ANKS1B: variants seen among roughly 807,000 people sequenced by gnomAD.
The protein encoded by ANKS1B is ankyrin repeat and sterile alpha motif domain-containing protein 1B.
In ANKS1B, 36 loss-of-function variants were observed where a neutral mutation model predicts 148.3. The ratio of observed to expected loss-of-function variants is 0.24; its 90% confidence interval spans 0.19 to 0.32. The LOEUF (loss-of-function observed/expected upper bound fraction) is 0.32. Ranked by LOEUF, ANKS1B falls within the 10% of genes least tolerant of loss-of-function variation. The probability of loss-of-function intolerance (pLI) is 1.00; values close to 1 mark genes in which losing one functional copy is unlikely to be tolerated. For synonymous variants in ANKS1B, 542 were observed against 560.8 expected (o/e 0.97, Z 0.47); for missense variants, 1,157 against 1,542.6 (o/e 0.75, Z 4.19).
At chr12:99,804,073 T>C (rs2067297508) in intron 4 of ANKS1B, among the ~76,000 whole-genome samples, 1 of 152,192 alleles carries the variant, frequency 6.6e-6, no homozygotes, top group Admixed American at 6.5e-5. Flanking sequence ...TCCCTTCTGG[T>C]CATGTCATCT....
intron 9 of ANKS1B, among the ~76,000 whole-genome samples, chr12:99,601,949 T>C (rs1237088047): frequency 6.6e-6 from 1 of 152,012 alleles, no homozygotes; most frequent in Non-Finnish European, 1.5e-5. Flanking sequence ...GACCAGAGTA[T>C]TTCTTTGTGG....
chr12:99,408,236 C>T (rs1049905815), intron 11 of ANKS1B, among the ~76,000 whole-genome samples: 1 of 145,572 alleles, frequency 6.9e-6, no homozygotes, highest in African/African-American at 2.6e-5. Flanking sequence ...GTGTCAAGAA[C>T]ATACACAAGG....
intron 15 of ANKS1B, among the ~76,000 whole-genome samples, chr12:99,113,238 T>A (rs1423945657): frequency 6.6e-6 from 1 of 152,148 alleles, no homozygotes; most frequent in Non-Finnish European, 1.5e-5. Flanking sequence ...AAACTTAACG[T>A]GTCCTCAATG....
At chr12:99,006,330 C>G (rs1436588937) in intron 17 of ANKS1B, among the ~76,000 whole-genome samples, 1 of 152,174 alleles carries the variant, frequency 6.6e-6, no homozygotes, top group Non-Finnish European at 1.5e-5. Flanking sequence ...ATCAAGTATC[C>G]AGCACTAGCA....
chr12:99,514,969 T>G (rs984821511), intron 9 of ANKS1B, among the ~76,000 whole-genome samples: 1 of 151,928 alleles, frequency 6.6e-6, no homozygotes, highest in African/African-American at 2.4e-5. Context: ...AATAGATTAG[T>G]AGTTTTTGCT....
chr12:98,915,379 T>G (rs2152867592), intron 17 of ANKS1B, among the ~76,000 whole-genome samples: 1 of 152,068 alleles, frequency 6.6e-6, no homozygotes, highest in African/African-American at 2.4e-5. Flanking sequence ...TTAGACAGAG[T>G]CTCACTCTGT....
intron 12 of ANKS1B, among the ~76,000 whole-genome samples, chr12:99,374,329 G>A (rs1309913566): frequency 6.6e-6 from 1 of 152,140 alleles, no homozygotes; most frequent in Non-Finnish European, 1.5e-5. Flanking sequence ...CCCGTGTCTG[G>A]ATGGATTTTC....
At chr12:98,884,525 C>A (rs1172944484) in intron 17 of ANKS1B, among the ~76,000 whole-genome samples, 1 of 152,134 alleles carries the variant, frequency 6.6e-6, no homozygotes, top group Non-Finnish European at 1.5e-5. Flanking sequence ...GGGGGCCGGG[C>A]GCGGTGGCTC....
intron 17 of ANKS1B, among the ~76,000 whole-genome samples, chr12:99,007,051 A>G (rs923929238): frequency 3.2e-5 from 4 of 124,626 alleles, no homozygotes. Context: ...AATAGATATA[A>G]TAAAGCATAA....
chr12:99,592,619 GAAGAC>G (rs1434793370), intron 9 of ANKS1B, among the ~76,000 whole-genome samples: 1 of 152,038 alleles, frequency 6.6e-6, no homozygotes, highest in Admixed American at 6.6e-5. Context: ...GAAAGAAGAT[GAAGAC>G]AATAACGAGA....
chr12:99,953,465 G>A lies in ANKS1B; in HGVS notation c.134+30639C>T, dbSNP rs145488960. ...AGATAGTAAAGTAGATAATGTATTG[G>A]TGGTTCTTTTTTCCCCAATAATCTG... On this transcript the variant is annotated intron_variant, in intron 1 of 26. Coordinates refer to ENST00000683438, the MANE Select transcript of ANKS1B (RefSeq NM_001352186.2). Among the ~76,000 whole-genome samples, 1,052 of 152,252 alleles carry A rather than the reference G, an allele frequency of 6.9e-3. 6 individuals are homozygous for A. Among genetic ancestry groups the A allele is most frequent in the South Asian group, 7.7e-3 (37 of 4,826 alleles).
At chr12:99,600,609 C>T (rs2097792845) in intron 9 of ANKS1B, among the ~76,000 whole-genome samples, 1 of 151,934 alleles carries the variant, frequency 6.6e-6, no homozygotes, top group Non-Finnish European at 1.5e-5. Flanking sequence ...CCAGAGAATC[C>T]AGCTCTGAGA....
intron 8 of ANKS1B, among the ~76,000 whole-genome samples, chr12:99,772,010 T>C (rs2063238685): frequency 6.6e-6 from 1 of 152,180 alleles, no homozygotes; most frequent in Non-Finnish European, 1.5e-5. Context: ...GATATATCTG[T>C]AACAAATTAA....
At chr12:99,872,892 T>C (rs1034811245) in intron 1 of ANKS1B, among the ~76,000 whole-genome samples, 2 of 152,170 alleles carry the variant, frequency 1.3e-5, no homozygotes, top group African/African-American at 4.8e-5. Context: ...TTATTCTCAA[T>C]TGTTTCCAAC....
intron 8 of ANKS1B, among the ~76,000 whole-genome samples, chr12:99,674,916 A>T (rs2098555303): frequency 6.6e-6 from 1 of 151,932 alleles, no homozygotes; most frequent in African/African-American, 2.4e-5. Flanking sequence ...TATACCAGTA[A>T]GAAAAATAGC....
At chr12:99,253,155 A>G (rs934982584) in intron 12 of ANKS1B, among the ~76,000 whole-genome samples, 1 of 151,420 alleles carries the variant, frequency 6.6e-6, no homozygotes, top group African/African-American at 2.4e-5. Flanking sequence ...TGAGCCCAGG[A>G]GTTCAAGTCT....
chr12:99,782,219 C>G (rs544042806), intron 4 of ANKS1B, 122 bp from the exon 5 acceptor site: 2 of 768,754 alleles, frequency 2.6e-6, no homozygotes, highest in Non-Finnish European at 4.2e-6. Flanking sequence ...CTCTCCCTAA[C>G]AGAAAGGTCA....
chr12:99,437,824 A>G lies in ANKS1B; in HGVS notation c.1575+5849T>C, dbSNP rs543538687. ...TCCCCACCTCTGCTCATCCTTTAACATGCTGTCATACTGCCTTATTTCCTT... is the reference window on the plus strand; with the variant it reads ...TCCCCACCTCTGCTCATCCTTTAACGTGCTGTCATACTGCCTTATTTCCTT... On this transcript the variant is annotated intron_variant, in intron 11 of 26. Transcript: ENST00000683438. 3.3e-5 allele frequency among the ~76,000 whole-genome samples: 5 copies of G among 151,984 alleles called. No individual in the cohort carries two copies. The South Asian group carries it at 6.2e-4, about 19-fold the overall frequency.
chr12:98,913,792 A>G (rs1368490646), intron 17 of ANKS1B, among the ~76,000 whole-genome samples: 1 of 151,958 alleles, frequency 6.6e-6, no homozygotes, highest in Non-Finnish European at 1.5e-5. Context: ...TACCACACCC[A>G]TCTAATTTTT....
Sources: gnomAD v4.1 joint callset for allele counts (sites outside exome capture counted in the v4.1 genomes callset) on GRCh38, gnomAD v4.1.1 for gene constraint, MANE v1.5 for transcripts, NCBI Gene and HGNC (gene_info 2026-07-23, HGNC 2026-07-21) for gene names.